The following CATSPERD variants were observed in gnomAD, a reference collection of about 807,000 sequenced individuals.
The protein encoded by CATSPERD is catsper channel auxiliary subunit delta.
In CATSPERD, 86 loss-of-function variants were observed where a neutral mutation model predicts 98.1. That is an observed-to-expected ratio of 0.88 (90% CI 0.74 to 1.05). The LOEUF (loss-of-function observed/expected upper bound fraction) is 1.05, where lower values mean the gene tolerates loss of function less well. CATSPERD is among the 50% of genes least tolerant of loss of function. The probability of loss-of-function intolerance (pLI) is 0.00; values close to 1 mark genes in which losing one functional copy is unlikely to be tolerated. For missense variants in CATSPERD, 995 were observed against 1,005.7 expected, an observed-to-expected ratio of 0.99 and a Z score of 0.14; for synonymous variants, 394 against 390.2, an observed-to-expected ratio of 1.01 and a Z score of -0.12.
intron 14 of CATSPERD, 104 bp from the exon 15 acceptor site, chr19:5,758,981 TC>T: frequency 1.2e-6 from 1 of 852,492 alleles, no homozygotes; most frequent in Non-Finnish European, 1.9e-6. Flanking sequence ...TCCAGGTTCG[TC>T]CCCCCATGTC....
rs1491269022 is a variant in CATSPERD at position 5,762,059 on chromosome 19, T to TATATATATATATATATATA, written c.1428-1156_1428-1155insATATATATATATATATATA. On this transcript the variant is annotated intron_variant, in intron 15 of 21. Transcript: ENST00000381624. ...GGCCTGCCATATATATATATATATA[T>TATATATATATATATATATA]TTTTTTTTTTTTTTTTTTTTTTGAG... Among the ~76,000 whole-genome samples, 21 of 18,596 alleles carry TATATATATATATATATATA rather than the reference T, an allele frequency of 1.1e-3. 1 individual carries two copies. Among genetic ancestry groups the TATATATATATATATATATA allele is most frequent in the South Asian group, 3.8e-3 (2 of 524 alleles). 12.2% of individuals were successfully genotyped at this position (18,596 alleles called of 152,430 possible). A position where few individuals can be genotyped will look rare whatever the true frequency, so the allele number is the denominator to read the frequency against.
intron 5 of CATSPERD, among the ~76,000 whole-genome samples, chr19:5,736,019 C>T (rs567292112): frequency 7.2e-5 from 11 of 151,794 alleles, no homozygotes; most frequent in South Asian, 4.2e-4. Flanking sequence ...CCTCATGATC[C>T]GCCCGCTTCA....
At chr19:5,751,624 C>T in intron 11 of CATSPERD, 23 bp from the exon 12 acceptor site, 1 of 1,377,424 alleles carries the variant, frequency 7.3e-7, no homozygotes, top group Non-Finnish European at 9.6e-7. Context: ...ATGATTAGAT[C>T]TCAGGAATCA....
intron 19 of CATSPERD, 34 bp downstream of exon 19, chr19:5,771,106 C>T (rs529543001): frequency 1.5e-5 from 24 of 1,600,282 alleles, no homozygotes; most frequent in African/African-American, 1.3e-4. Flanking sequence ...AGGGTGGGGA[C>T]GGTGGCAGGG....
intron 13 of CATSPERD, among the ~76,000 whole-genome samples, chr19:5,755,419 T>C (rs1426605717): frequency 6.6e-6 from 1 of 152,150 alleles, no homozygotes; most frequent in Non-Finnish European, 1.5e-5. Context: ...CAATAGAAAC[T>C]GTATTTCCAG....
At position 5,771,053 on chromosome 19, in the gene CATSPERD, T is replaced by C. The variant is rs1358603518; in HGVS notation, c.1744T>C (p.Trp582Arg). ...CPLLVYYDTL[W>R]KPVVELWRKD... ...TCTCCTCGTCTACTATGACACCCTA[T>C]GGAAGCCCGTGGTGGAGCTGTAAGA... Residue 582 changes from tryptophan (W) to arginine (R), a missense_variant, in exon 19 of 22, where the codon TGG becomes CGG. Around this residue, in one of 3 missense-constraint regions of CATSPERD, gnomAD observed 762 missense variants for 773.7 expected, o/e 0.98. Transcript: ENST00000381624. The C allele has an allele frequency of 5.0e-6, 8 of 1,613,594 alleles. No homozygotes were observed. Among genetic ancestry groups the C allele is most frequent in the African/African-American group, 1.3e-5 (1 of 74,894 alleles).
At chr19:5,761,655 AAG>A (rs142797931) in intron 15 of CATSPERD, among the ~76,000 whole-genome samples, 213 of 12,374 alleles carry the variant, frequency 0.017, no homozygotes, top group Middle Eastern at 0.031. Flanking sequence ...ATGGCGGCAG[AAG>A]AGAGAGAGAG....
chr19:5,735,829 GGCGT>G (rs1341922995), intron 5 of CATSPERD, among the ~76,000 whole-genome samples: 1 of 142,218 alleles, frequency 7.0e-6, no homozygotes, highest in African/African-American at 2.7e-5. Context: ...CAGGCTGGAT[GGCGT>G]GCAGTGGCGC....
In CATSPERD at chr19:5,763,254, A is replaced by C; in HGVS notation, c.1467A>C (p.Ile489=). Residue 489 remains isoleucine (I), a synonymous_variant, in exon 16 of 22, where the codon ATA becomes ATC. Transcript: ENST00000381624. ...CCATGTCTACCTTAACTGTGGACAT[A>C]GCAAACAAGGAAATTTCATGTGTGG... ...KATMSTLTVD[I]ANKEISCVDI... The C allele has an allele frequency of 6.2e-7, 1 of 1,614,160 alleles. No individual in the cohort carries two copies. Among genetic ancestry groups the C allele is most frequent in the Non-Finnish European group, 8.5e-7 (1 of 1,180,018 alleles).
intron 1 of CATSPERD, among the ~76,000 whole-genome samples, chr19:5,723,926 G>T (rs192567236): frequency 6.6e-6 from 1 of 151,970 alleles, no homozygotes; most frequent in South Asian, 2.1e-4. Context: ...ACAGGCATGC[G>T]CCACCACACG....
chr19:5,749,286 G>T (rs142056289), intron 11 of CATSPERD, 103 bp downstream of exon 11: 11,508 of 684,316 alleles, frequency 0.017, 165 homozygotes, highest in Middle Eastern at 0.036. Flanking sequence ...GAGGTCAGGA[G>T]TTCAAGACCA....
chr19:5,758,986 C>G, intron 14 of CATSPERD, 100 bp from the exon 15 acceptor site: 1 of 1,079,504 alleles, frequency 9.3e-7, no homozygotes, highest in Non-Finnish European at 1.4e-6. Context: ...GTTCGTCCCC[C>G]CATGTCCCCT....
chr19:5,735,097 C>T (rs1229009674), intron 5 of CATSPERD, among the ~76,000 whole-genome samples: 5 of 152,146 alleles, frequency 3.3e-5, no homozygotes, highest in African/African-American at 1.2e-4. Context: ...AGTTCAAGTC[C>T]ACCCTAGGCA....
intron 3 of CATSPERD, among the ~76,000 whole-genome samples, chr19:5,728,737 C>T (rs1192019352): frequency 6.7e-6 from 1 of 148,642 alleles, no homozygotes; most frequent in Non-Finnish European, 1.5e-5. Context: ...CTTGTTCTGT[C>T]ACCCAGGCTG....
chr19:5,748,977 C>T (rs376300173), intron 10 of CATSPERD, 124 bp from the exon 11 acceptor site: 14 of 640,270 alleles, frequency 2.2e-5, no homozygotes, highest in African/African-American at 2.1e-4. Context: ...TGATCCACCC[C>T]CCTCGGCCTC....
At chr19:5,749,587 A>T (rs952608530) in intron 11 of CATSPERD, among the ~76,000 whole-genome samples, 6 of 152,166 alleles carry the variant, frequency 3.9e-5, no homozygotes, top group African/African-American at 1.4e-4. Flanking sequence ...CTAAAAGGGG[A>T]AGAGTATTTA....
At position 5,724,822 on chromosome 19, in the gene CATSPERD, G is replaced by C. The variant is rs2055572701; in HGVS notation, c.86G>C (p.Arg29Thr). 2 of 1,613,894 alleles carry C rather than the reference G, an allele frequency of 1.2e-6. No individual in the cohort carries two copies. The highest frequency in any genetic ancestry group is 2.7e-5 in the African/African-American group (2 of 74,924). Residue 29 changes from arginine (R) to threonine (T), a missense_variant, in exon 2 of 22, where the codon AGG becomes ACG. Arg to Thr is a moderately conservative substitution (Grantham distance 71, BLOSUM62 -1). This residue lies in a region of CATSPERD where 228 missense variants were observed against 209.6 expected (regional missense o/e 1.09). Coordinates refer to ENST00000381624, the MANE Select transcript of CATSPERD (RefSeq NM_152784.4). Reference protein sequence around the residue: ...TAQLCRSRTVRTGKVFNLIQD... With the variant: ...TAQLCRSRTVTTGKVFNLIQD... ...GTCACTTCTAGTTCTCGCACAGTGA[G>C]GACAGGAAAAGTGTTTAATCTGATA...
chr19:5,777,620 C>T (rs529705982), intron 21 of CATSPERD, among the ~76,000 whole-genome samples: 1 of 152,278 alleles, frequency 6.6e-6, no homozygotes, highest in African/African-American at 2.4e-5. Context: ...CAATAGCTTA[C>T]GCCTGTAATC....
Position 5,731,570 on chromosome 19 carries a change from T to TTTTG in CATSPERD, c.276+1629_276+1630insGTTT, listed in dbSNP as rs1555718029. ...AAGCGACACTTAACAGTTTTTTTTT[T>TTTTG]TTTTTTTTTTTTTTTTGAGACGGAG... On this transcript the variant is annotated intron_variant, in intron 4 of 21. Transcript: ENST00000381624. Among the ~76,000 whole-genome samples, 27 of 117,404 alleles carry TTTTG rather than the reference T, an allele frequency of 2.3e-4. 2 individuals are homozygous for TTTTG. Among genetic ancestry groups the TTTTG allele is most frequent in the African/African-American group, 8.8e-4 (26 of 29,406 alleles). 77.0% of individuals were successfully genotyped at this position (117,404 alleles called of 152,430 possible).
Sources: gnomAD v4.1 joint callset for allele counts (sites outside exome capture counted in the v4.1 genomes callset) on GRCh38, gnomAD v4.1.1 for gene constraint, gnomAD v4.1.1 regional missense constraint, MANE v1.5 for transcripts, NCBI Gene and HGNC (gene_info 2026-07-23, HGNC 2026-07-21) for gene names.